SLC25A21: variants seen among roughly 807,000 people sequenced by gnomAD.
SLC25A21 encodes solute carrier family 25 member 21.
SLC25A21 carries 47 observed loss-of-function variants against 43.8 expected under a neutral mutation model. The ratio of observed to expected loss-of-function variants is 1.07; its 90% CI spans 0.85 to 1.37. The LOEUF (loss-of-function observed/expected upper bound fraction) is 1.37. Among genes scored for constraint, SLC25A21 ranks in the 40% most tolerant of loss-of-function variants. The probability of loss-of-function intolerance (pLI) is 0.00; values close to 1 mark genes in which losing one functional copy is unlikely to be tolerated. For synonymous variants in SLC25A21, 131 were observed against 121.3 expected (o/e 1.08, Z -0.52); for missense variants, 352 against 350.2 (o/e 1.00, Z -0.04).
chr14:36,920,161 C>G (rs578031042), intron 1 of SLC25A21, among the ~76,000 whole-genome samples: 1 of 151,910 alleles, frequency 6.6e-6, no homozygotes, highest in African/African-American at 2.4e-5. Context: ...TTTTCACTTA[C>G]GGCAGTACAA....
chr14:37,003,032 C>G, intron 1 of SLC25A21, among the ~76,000 whole-genome samples: 1 of 152,148 alleles, frequency 6.6e-6, no homozygotes, highest in East Asian at 1.9e-4. Flanking sequence ...GTAGTCTCCC[C>G]TTATCTATTG....
At chr14:36,941,817 G>T (rs1214276005) in intron 1 of SLC25A21, among the ~76,000 whole-genome samples, 1 of 151,896 alleles carries the variant, frequency 6.6e-6, no homozygotes, top group Non-Finnish European at 1.5e-5. Flanking sequence ...AATTTTAGAG[G>T]TTGTGTGAAA....
At chr14:36,750,073 A>T (rs1885646808) in intron 3 of SLC25A21, among the ~76,000 whole-genome samples, 1 of 152,200 alleles carries the variant, frequency 6.6e-6, no homozygotes, top group Admixed American at 6.5e-5. Flanking sequence ...GACACTCAGT[A>T]AATATTTGTT....
intron 1 of SLC25A21, among the ~76,000 whole-genome samples, chr14:37,141,126 CAG>C (rs1648372075): frequency 6.6e-6 from 1 of 151,840 alleles, no homozygotes; most frequent in South Asian, 2.1e-4. Flanking sequence ...GCCTGGGTGA[CAG>C]AGAGAGACAC....
At chr14:36,937,456 T>C (rs79900895) in intron 1 of SLC25A21, among the ~76,000 whole-genome samples, 6,615 of 152,254 alleles carry the variant, frequency 0.043, 285 homozygotes, top group Middle Eastern at 0.14. Context: ...GAGAGTGACA[T>C]TGGTTTCCAT....
chr14:36,775,203 G>A (rs948671402), intron 3 of SLC25A21, among the ~76,000 whole-genome samples: 6 of 152,106 alleles, frequency 3.9e-5, no homozygotes, highest in African/African-American at 9.7e-5. Context: ...AAGTATGTTC[G>A]CTTTACTGAA....
chr14:37,101,627 A>G (rs1438383320), intron 1 of SLC25A21, among the ~76,000 whole-genome samples: 1 of 152,260 alleles, frequency 6.6e-6, no homozygotes, highest in East Asian at 1.9e-4. Flanking sequence ...CAAACTTTAT[A>G]GTCATGCAAT....
intron 1 of SLC25A21, among the ~76,000 whole-genome samples, chr14:37,161,918 G>A (rs747344420): frequency 7.1e-5 from 9 of 127,174 alleles, no homozygotes; most frequent in Admixed American, 5.3e-4. Context: ...AGCCGAGATC[G>A]CCTCAATGCA....
chr14:36,833,239 T>G lies in SLC25A21; in HGVS notation c.120-19238A>C, dbSNP rs77579851. On this transcript the variant is annotated intron_variant, in intron 2 of 9. Coordinates refer to ENST00000331299, the MANE Select transcript of SLC25A21 (RefSeq NM_030631.4). Reference sequence around the variant, plus strand: ...CTTAGAGGACATAGGATATACCAACTGAGTTGATGGACGATAGAATAGATG... The same window carrying G: ...CTTAGAGGACATAGGATATACCAACGGAGTTGATGGACGATAGAATAGATG... Among the ~76,000 whole-genome samples, 6 of 152,272 alleles carry G rather than the reference T, an allele frequency of 3.9e-5. No individual in the cohort carries two copies. The East Asian group carries it at 7.7e-4, about 20-fold the overall frequency.
chr14:36,852,336 A>T (rs1889766237), intron 2 of SLC25A21, among the ~76,000 whole-genome samples: 1 of 152,200 alleles, frequency 6.6e-6, no homozygotes, highest in Non-Finnish European at 1.5e-5. Context: ...TCTTTTCTTA[A>T]CTATACCATT....
At chr14:36,740,624 C>T (rs1005356468) in intron 3 of SLC25A21, among the ~76,000 whole-genome samples, 2 of 132,176 alleles carry the variant, frequency 1.5e-5, no homozygotes, top group African/African-American at 2.8e-5. Flanking sequence ...CTCATTCAAC[C>T]CCCCCACCCC....
chr14:36,710,975 T>G (rs1246512171), intron 7 of SLC25A21, among the ~76,000 whole-genome samples: 1 of 152,148 alleles, frequency 6.6e-6, no homozygotes, highest in Non-Finnish European at 1.5e-5. Context: ...GAGATAAAAA[T>G]TAAGTAATAA....
At chr14:36,895,588 A>C (rs1331391142) in intron 1 of SLC25A21, among the ~76,000 whole-genome samples, 1 of 151,912 alleles carries the variant, frequency 6.6e-6, no homozygotes, top group Non-Finnish European at 1.5e-5. Flanking sequence ...CTAGCTTTTG[A>C]ATGTGTTTGC....
chr14:37,123,685 C>CA (rs1220607278), intron 1 of SLC25A21, among the ~76,000 whole-genome samples: 7 of 151,960 alleles, frequency 4.6e-5, no homozygotes, highest in Non-Finnish European at 1.0e-4. Flanking sequence ...TAACATAAAT[C>CA]ATGACAATCC....
intron 7 of SLC25A21, among the ~76,000 whole-genome samples, chr14:36,703,187 C>T (rs570255789): frequency 6.6e-6 from 1 of 152,246 alleles, no homozygotes; most frequent in East Asian, 1.9e-4. Flanking sequence ...TCATACTATG[C>T]TCTAATTCTA....
intron 3 of SLC25A21, among the ~76,000 whole-genome samples, chr14:36,811,284 G>A (rs712335): frequency 0.61 from 92,372 of 152,056 alleles, 30,036 homozygotes; most frequent in East Asian, 0.99. Context: ...TGAATGAGTG[G>A]AACAGAATAG....
chr14:36,810,080 A>T (rs1888183218), intron 3 of SLC25A21, among the ~76,000 whole-genome samples: 1 of 152,098 alleles, frequency 6.6e-6, no homozygotes, highest in Non-Finnish European at 1.5e-5. Context: ...AATAACAGGG[A>T]GCTTTTTATT....
intron 1 of SLC25A21, among the ~76,000 whole-genome samples, chr14:36,992,959 T>G (rs2138715025): frequency 6.6e-6 from 1 of 152,338 alleles, no homozygotes; most frequent in South Asian, 2.1e-4. Context: ...AGTTTTAGCC[T>G]AATTGAAATG....
At chr14:37,170,899 A>C (rs1251265865) in intron 1 of SLC25A21, among the ~76,000 whole-genome samples, 1 of 148,890 alleles carries the variant, frequency 6.7e-6, no homozygotes, top group East Asian at 2.0e-4. Context: ...AGCCTGGGCA[A>C]CATGGCGAAA....
Sources: allele counts gnomAD v4.1 joint callset (sites outside exome capture counted in the v4.1 genomes callset), GRCh38; gene constraint gnomAD v4.1.1; transcripts MANE v1.5; gene names NCBI Gene and HGNC (gene_info 2026-07-23, HGNC 2026-07-21).